AATF: variants seen among roughly 807,000 people sequenced by gnomAD.
AATF encodes the protein protein AATF.
Under a neutral mutation model 63.7 loss-of-function variants are expected in AATF, and 48 were observed. That is an observed-to-expected ratio of 0.75 (90% CI 0.60 to 0.96). The LOEUF (loss-of-function observed/expected upper bound fraction) is 0.96. Ranked by LOEUF, AATF falls within the 40% of genes least tolerant of loss-of-function variation. The pLI, the probability that AATF is intolerant of heterozygous loss-of-function variation, is 0.00. For missense variants in AATF, 639 were observed against 685.7 expected (o/e 0.93, Z 0.76); for synonymous variants, 258 against 247.7 (o/e 1.04, Z -0.39).
At chr17:36,983,473 G>C (rs1043070417) in intron 4 of AATF, among the ~76,000 whole-genome samples, 2 of 151,882 alleles carry the variant, frequency 1.3e-5, no homozygotes, top group Admixed American at 1.3e-4. Flanking sequence ...TCAGCCTCCC[G>C]AGTAGCTGAG....
chr17:36,954,784 C>T (rs2070886260), intron 4 of AATF, among the ~76,000 whole-genome samples: 1 of 152,104 alleles, frequency 6.6e-6, no homozygotes, highest in Non-Finnish European at 1.5e-5. Flanking sequence ...AACTTTTCTA[C>T]CTTATGATGT....
rs1263912241 is a variant in AATF, at chr17:37,018,818, C to CT, written c.1399-182dup. 4 of 587,378 alleles carry CT rather than the reference C, an allele frequency of 6.8e-6. No homozygotes were observed. The East Asian group carries it at 8.4e-5, about 12-fold the overall frequency. The allele number at this position is 587,378 out of a possible 1,614,324, so 36.4% of individuals were successfully genotyped here. On this transcript the variant is annotated intron_variant, in intron 8 of 11. Transcript: ENST00000619387. ...TGTTCTCAGCTACTGCTATAGCCAC[C>CT]TTTTTAAAGATATATAACTATGAAA...
chr17:36,991,872 A>G (rs1427526944), intron 8 of AATF, among the ~76,000 whole-genome samples: 1 of 152,188 alleles, frequency 6.6e-6, no homozygotes, highest in African/African-American at 2.4e-5. Flanking sequence ...GGCTTGAGCC[A>G]CTGCACCCGG....
At chr17:36,984,667 G>A (rs919377620) in intron 4 of AATF, among the ~76,000 whole-genome samples, 4 of 152,182 alleles carry the variant, frequency 2.6e-5, no homozygotes, top group Admixed American at 1.3e-4. Flanking sequence ...ACAGCGTCTC[G>A]CTCTGTTGCC....
At chr17:37,001,439 G>A (rs1345061482) in intron 8 of AATF, among the ~76,000 whole-genome samples, 1 of 121,024 alleles carries the variant, frequency 8.3e-6, no homozygotes, top group Admixed American at 8.2e-5. Flanking sequence ...AAGGAAGGAA[G>A]GAAGGAAGGA....
intron 8 of AATF, among the ~76,000 whole-genome samples, chr17:36,991,066 A>G (rs2071210958): frequency 6.6e-6 from 1 of 152,230 alleles, no homozygotes; most frequent in Admixed American, 6.5e-5. Context: ...GAAAACAGCT[A>G]TAGCTACTTT....
At chr17:36,970,327 G>T (rs900404469) in intron 4 of AATF, among the ~76,000 whole-genome samples, 1 of 152,148 alleles carries the variant, frequency 6.6e-6, no homozygotes, top group African/African-American at 2.4e-5. Flanking sequence ...GTAGGTTACA[G>T]AACTGAGTTG....
At chr17:37,040,735 G>T (rs1174068622) in intron 11 of AATF, among the ~76,000 whole-genome samples, 1 of 117,700 alleles carries the variant, frequency 8.5e-6, no homozygotes, top group African/African-American at 3.6e-5. Flanking sequence ...AACTTCTTTA[G>T]ATTAAAATGC....
intron 9 of AATF, among the ~76,000 whole-genome samples, chr17:37,020,277 A>G (rs2071459152): frequency 6.6e-6 from 1 of 152,168 alleles, no homozygotes; most frequent in Non-Finnish European, 1.5e-5. Flanking sequence ...ATTTGATAAT[A>G]AAGAATTATT....
At chr17:36,950,582 C>G (rs1331152915) in intron 2 of AATF, among the ~76,000 whole-genome samples, 177 bp downstream of exon 2, 1 of 152,170 alleles carries the variant, frequency 6.6e-6, no homozygotes, top group African/African-American at 2.4e-5. Flanking sequence ...TCACCGCAAC[C>G]TCCACCTCTG....
intron 4 of AATF, among the ~76,000 whole-genome samples, chr17:36,956,200 A>G (rs2070898505): frequency 6.6e-6 from 1 of 152,190 alleles, no homozygotes; most frequent in African/African-American, 2.4e-5. Context: ...TATTAATCTG[A>G]CAGGGTGGGT....
intron 8 of AATF, chr17:36,998,681 A>G (rs1391139590): frequency 1.3e-5 from 2 of 152,210 alleles, no homozygotes; most frequent in African/African-American, 4.8e-5. Context: ...TGAGTCCAGG[A>G]GTTCAAGGCC....
intron 11 of AATF, among the ~76,000 whole-genome samples, chr17:37,046,743 A>G (rs1160658032): frequency 6.7e-6 from 1 of 149,878 alleles, no homozygotes; most frequent in Non-Finnish European, 1.5e-5. Flanking sequence ...ACACACACAC[A>G]CACACACACA....
intron 4 of AATF, among the ~76,000 whole-genome samples, chr17:36,972,604 G>C (rs2071047641): frequency 6.6e-6 from 1 of 151,804 alleles, no homozygotes; most frequent in Non-Finnish European, 1.5e-5. Context: ...ATACATGTAA[G>C]TGTGTGTGTA....
chr17:37,031,970 C>G (rs1046589374), intron 11 of AATF, among the ~76,000 whole-genome samples: 4 of 152,148 alleles, frequency 2.6e-5, no homozygotes, highest in Non-Finnish European at 5.9e-5. Context: ...GGGCAGGTGG[C>G]CCATGTTCTT....
intron 8 of AATF, among the ~76,000 whole-genome samples, chr17:37,013,491 G>A (rs148840780): frequency 3.9e-5 from 6 of 152,296 alleles, no homozygotes; most frequent in African/African-American, 1.4e-4. Context: ...GAAGGAAGGC[G>A]GAGGGGAGCT....
intron 8 of AATF, among the ~76,000 whole-genome samples, chr17:37,015,316 A>G (rs1425273536): frequency 6.6e-6 from 1 of 152,200 alleles, no homozygotes; most frequent in Non-Finnish European, 1.5e-5. Flanking sequence ...CTATAGTAAA[A>G]TACCACAGAC....
chr17:36,985,720 A>AT lies in AATF; in HGVS notation c.833-887dup, dbSNP rs1333758842. On this transcript the variant is annotated intron_variant, in intron 4 of 11. Coordinates refer to ENST00000619387, the MANE Select transcript of AATF (RefSeq NM_012138.4). The stretch of plus-strand genomic sequence containing the variant: ...CACCACCCTCAGCTAATTTTTTTGT[A>AT]TTTTTTTTTTAGTAGAGATGGGGTT... Among the ~76,000 whole-genome samples the AT allele has an allele frequency of 4.6e-3, 674 of 145,816 alleles. 3 individuals carry two copies. The highest frequency in any genetic ancestry group is 0.016 in the African/African-American group (619 of 39,852).
chr17:37,020,482 C>G (rs982942890), intron 9 of AATF, among the ~76,000 whole-genome samples: 1 of 151,910 alleles, frequency 6.6e-6, no homozygotes, highest in Admixed American at 6.6e-5. Context: ...TAAAAATTAG[C>G]AAAAATTGGA....
Sources: allele counts gnomAD v4.1 joint callset (sites outside exome capture counted in the v4.1 genomes callset), GRCh38; gene constraint gnomAD v4.1.1; transcripts MANE v1.5; gene names NCBI Gene and HGNC (gene_info 2026-07-23, HGNC 2026-07-21).